The following PDE4D variants were observed in gnomAD, a reference collection of about 807,000 sequenced individuals.
PDE4D encodes 3',5'-cyclic-AMP phosphodiesterase 4D.
PDE4D carries 24 observed loss-of-function variants against 87.4 expected under a neutral mutation model. The ratio of observed to expected loss-of-function variants is 0.27; its 90% CI spans 0.20 to 0.39. PDE4D has a LOEUF of 0.39. Among genes scored for constraint, PDE4D ranks in the 10% least tolerant of loss-of-function variants. The pLI, the probability that PDE4D is intolerant of heterozygous loss-of-function variation, is 1.00. For missense variants in PDE4D, 714 were observed against 1,041.0 expected (o/e 0.69, Z 4.32); for synonymous variants, 384 against 383.2 (o/e 1.00, Z -0.02).
chr5:59,638,417 G>T (rs1740965985), intron 1 of PDE4D, among the ~76,000 whole-genome samples: 1 of 152,124 alleles, frequency 6.6e-6, no homozygotes, highest in South Asian at 2.1e-4. Context: ...AAGGTGACTT[G>T]CTGCCTGAGC....
At chr5:60,274,691 T>C (rs1751190607) in intron 1 of PDE4D, among the ~76,000 whole-genome samples, 1 of 152,166 alleles carries the variant, frequency 6.6e-6, no homozygotes, top group Non-Finnish European at 1.5e-5. Context: ...ACAAGAAGTA[T>C]GTGCTCTTCA....
chr5:59,764,460 G>A (rs1356035304), intron 1 of PDE4D, among the ~76,000 whole-genome samples: 1 of 152,128 alleles, frequency 6.6e-6, no homozygotes, highest in Non-Finnish European at 1.5e-5. Context: ...TGCAAAGTAA[G>A]AATTTAAGTT....
chr5:59,977,424 TAAGGACTGCAGACGA>T (rs1203737323), intron 3 of PDE4D, among the ~76,000 whole-genome samples: 1 of 152,186 alleles, frequency 6.6e-6, no homozygotes, highest in Non-Finnish European at 1.5e-5. Flanking sequence ...CTGAGAGAGT[TAAGGACTGCAGACGA>T]AAAGTTGGAT....
chr5:59,938,212 C>T (rs1196011649), intron 3 of PDE4D, among the ~76,000 whole-genome samples: 1 of 152,146 alleles, frequency 6.6e-6, no homozygotes, highest in Non-Finnish European at 1.5e-5. Flanking sequence ...ACCTATTATT[C>T]TATACCATCC....
At chr5:60,512,719 A>T (rs1326044054) in intron 1 of PDE4D, among the ~76,000 whole-genome samples, 1 of 152,220 alleles carries the variant, frequency 6.6e-6, no homozygotes, top group Non-Finnish European at 1.5e-5. Flanking sequence ...ATTTTCAGAA[A>T]AATAAAAGCT....
intron 5 of PDE4D, among the ~76,000 whole-genome samples, chr5:59,172,321 T>C (rs1469774625): frequency 1.5e-5 from 2 of 132,380 alleles, no homozygotes; most frequent in East Asian, 4.1e-4. Flanking sequence ...TTTTATAAAA[T>C]ATATAATATA....
chr5:59,415,172 C>T (rs976341948), intron 1 of PDE4D, among the ~76,000 whole-genome samples: 4 of 152,096 alleles, frequency 2.6e-5, no homozygotes, highest in African/African-American at 9.7e-5. Context: ...AGGACTTGAC[C>T]TTCTGGCAGA....
At chr5:58,976,615 G>T in intron 12 of PDE4D, 143 bp from the exon 13 acceptor site, 1 of 673,138 alleles carries the variant, frequency 1.5e-6, no homozygotes, top group Non-Finnish European at 2.5e-6. Flanking sequence ...CTCCTTGGGG[G>T]CAGAGTCTTT....
At chr5:59,580,557 T>C (rs1322372873) in intron 1 of PDE4D, among the ~76,000 whole-genome samples, 1 of 151,892 alleles carries the variant, frequency 6.6e-6, no homozygotes, top group Non-Finnish European at 1.5e-5. Flanking sequence ...GCCTCAACCT[T>C]CTGAATTCAA....
chr5:60,167,336 C>T (rs1353317247), intron 2 of PDE4D, among the ~76,000 whole-genome samples: 2 of 140,326 alleles, frequency 1.4e-5, no homozygotes, highest in African/African-American at 2.7e-5. Flanking sequence ...GGAGCAATCT[C>T]GGCTCACTGC....
chr5:59,050,996 G>T (rs889080467), intron 5 of PDE4D, among the ~76,000 whole-genome samples: 4 of 152,188 alleles, frequency 2.6e-5, no homozygotes, highest in African/African-American at 7.2e-5. Flanking sequence ...TCCTAAAACA[G>T]TTACTATTTT....
At chr5:59,879,843 C>T (rs140126826) in intron 1 of PDE4D, among the ~76,000 whole-genome samples, 5 of 152,172 alleles carry the variant, frequency 3.3e-5, no homozygotes, top group African/African-American at 4.8e-5. Context: ...CGGGTTTAAG[C>T]GATTCTCCTG....
intron 5 of PDE4D, among the ~76,000 whole-genome samples, chr5:59,116,454 TGA>T (rs1042683509): frequency 2.6e-5 from 4 of 152,166 alleles, no homozygotes; most frequent in African/African-American, 9.7e-5. Context: ...TGTGCAAACG[TGA>T]TCAATGAGCA....
intron 1 of PDE4D, among the ~76,000 whole-genome samples, chr5:59,342,409 T>C (rs1778879667): frequency 6.6e-6 from 1 of 152,174 alleles, no homozygotes; most frequent in African/African-American, 2.4e-5. Flanking sequence ...TATTTTGTGG[T>C]CTAGTGGCTC....
chr5:59,239,655 A>T (rs1225699658), intron 1 of PDE4D, among the ~76,000 whole-genome samples: 1 of 152,192 alleles, frequency 6.6e-6, no homozygotes, highest in African/African-American at 2.4e-5. Flanking sequence ...TTGCCTCTCT[A>T]GGATCCAATG....
chr5:60,347,805 T>A (rs1758855407), intron 1 of PDE4D, among the ~76,000 whole-genome samples: 1 of 152,014 alleles, frequency 6.6e-6, no homozygotes, highest in African/African-American at 2.4e-5. Flanking sequence ...CCTGCCATGA[T>A]GGGAAAAAGT....
chr5:60,343,714 C>G (rs1758504147), intron 1 of PDE4D, among the ~76,000 whole-genome samples: 1 of 151,998 alleles, frequency 6.6e-6, no homozygotes, highest in Non-Finnish European at 1.5e-5. Flanking sequence ...TCTCTCGGTG[C>G]CTTGAGCAGA....
At chr5:59,355,713 ATT>A (rs1177581487) in intron 1 of PDE4D, among the ~76,000 whole-genome samples, 2 of 152,158 alleles carry the variant, frequency 1.3e-5, no homozygotes, top group African/African-American at 4.8e-5. Context: ...TTGCTTATGC[ATT>A]GTTATACAAA....
intron 1 of PDE4D, among the ~76,000 whole-genome samples, chr5:60,463,098 T>C (rs897396386): frequency 6.6e-6 from 1 of 151,922 alleles, no homozygotes; most frequent in Non-Finnish European, 1.5e-5. Context: ...CTGCAGGAGG[T>C]AGAAAATCAA....
Sources: allele counts gnomAD v4.1 joint callset (sites outside exome capture counted in the v4.1 genomes callset), GRCh38; gene constraint gnomAD v4.1.1; transcripts MANE v1.5; gene names NCBI Gene and HGNC (gene_info 2026-07-23, HGNC 2026-07-21).